ENTREP2: variants seen among roughly 807,000 people sequenced by gnomAD.
The protein encoded by ENTREP2 is endosomal transmembrane epsin interactor 2, also known as protein ENTREP2.
the ENTREP2 span, among the ~76,000 whole-genome samples, chr15:29,187,339 G>C: frequency 1.3e-5 from 2 of 151,828 alleles, no homozygotes; most frequent in East Asian, 3.9e-4. Flanking sequence ...GCAGTGGTGC[G>C]ATCTCTGCTC....
the ENTREP2 span, among the ~76,000 whole-genome samples, chr15:29,561,711 AAAAT>A: frequency 3.3e-5 from 5 of 149,900 alleles, no homozygotes; most frequent in East Asian, 2.0e-4. Context: ...TAATAATAAT[AAAAT>A]AAATAAATAA....
chr15:29,425,945 T>C, the ENTREP2 span, among the ~76,000 whole-genome samples: 53 of 151,322 alleles, frequency 3.5e-4, no homozygotes, highest in African/African-American at 1.2e-3. Flanking sequence ...GCAGTATTTA[T>C]ACCAATGCTT....
chr15:29,541,426 A>C, the ENTREP2 span, among the ~76,000 whole-genome samples: 1 of 152,194 alleles, frequency 6.6e-6, no homozygotes, highest in African/African-American at 2.4e-5. Flanking sequence ...AACAGAATTT[A>C]ATTTCAGATA....
chr15:29,250,912 A>G, the ENTREP2 span, among the ~76,000 whole-genome samples: 1 of 152,210 alleles, frequency 6.6e-6, no homozygotes, highest in African/African-American at 2.4e-5. Context: ...AATGTTCTCT[A>G]GGCCACATTC....
chr15:29,556,295 T>C, the ENTREP2 span, among the ~76,000 whole-genome samples: 1 of 152,090 alleles, frequency 6.6e-6, no homozygotes, highest in African/African-American at 2.4e-5. Flanking sequence ...ATAACTGCAA[T>C]GGGTCAAGTG....
the ENTREP2 span, among the ~76,000 whole-genome samples, chr15:29,531,977 A>C: frequency 6.6e-6 from 1 of 152,186 alleles, no homozygotes; most frequent in African/African-American, 2.4e-5. Context: ...GAAAGGCTAA[A>C]CTGAGCTAAT....
the ENTREP2 span, among the ~76,000 whole-genome samples, chr15:29,561,410 G>C: frequency 1.3e-5 from 2 of 152,160 alleles, no homozygotes; most frequent in African/African-American, 4.8e-5. Flanking sequence ...GGAATGGGCC[G>C]GGTGTGGTGG....
the ENTREP2 span, among the ~76,000 whole-genome samples, chr15:29,149,172 C>T: frequency 6.6e-6 from 1 of 152,138 alleles, no homozygotes; most frequent in East Asian, 1.9e-4. Context: ...GGCCCGGCTC[C>T]TCTAGATTTT....
chr15:29,581,218 C>A, the ENTREP2 span, among the ~76,000 whole-genome samples: 1 of 152,120 alleles, frequency 6.6e-6, no homozygotes, highest in African/African-American at 2.4e-5. Flanking sequence ...TGATTATAAT[C>A]ATCTCCTAAC....
chr15:29,122,356 G>T, the ENTREP2 span: 1 of 152,234 alleles, frequency 6.6e-6, no homozygotes, highest in African/African-American at 2.4e-5. Flanking sequence ...GGGTTTGTAA[G>T]TGGTTTATGA....
chr15:29,584,586 T>C, the ENTREP2 span, among the ~76,000 whole-genome samples: 11 of 152,108 alleles, frequency 7.2e-5, no homozygotes, highest in Non-Finnish European at 7.3e-5. Context: ...AAACAGTGTA[T>C]GATCTCACTT....
chr15:29,366,354 C>A, the ENTREP2 span, among the ~76,000 whole-genome samples: 1 of 152,140 alleles, frequency 6.6e-6, no homozygotes, highest in African/African-American at 2.4e-5. Context: ...GGATTACAGG[C>A]GTGAGCCACT....
the ENTREP2 span, among the ~76,000 whole-genome samples, chr15:29,443,418 T>G: frequency 6.6e-6 from 1 of 152,080 alleles, no homozygotes; most frequent in African/African-American, 2.4e-5. Flanking sequence ...AGGCCCTACC[T>G]TGGGGATGAG....
At chr15:29,654,814 T>C in the ENTREP2 span, among the ~76,000 whole-genome samples, 1 of 152,212 alleles carries the variant, frequency 6.6e-6, no homozygotes, top group Non-Finnish European at 1.5e-5. Flanking sequence ...GTGATATTTG[T>C]GTCCTGACTA....
chr15:29,324,231 A>G, the ENTREP2 span, among the ~76,000 whole-genome samples: 1 of 152,164 alleles, frequency 6.6e-6, no homozygotes, highest in East Asian at 1.9e-4. Flanking sequence ...CCTCCTGAGT[A>G]GCTGAGACTA....
the ENTREP2 span, among the ~76,000 whole-genome samples, chr15:29,259,097 C>T: frequency 6.6e-6 from 1 of 152,106 alleles, no homozygotes; most frequent in Non-Finnish European, 1.5e-5. Context: ...GGTTGGCATT[C>T]AAGGAAATCT....
the ENTREP2 span, among the ~76,000 whole-genome samples, chr15:29,473,991 A>G: frequency 6.6e-6 from 1 of 152,236 alleles, no homozygotes; most frequent in Admixed American, 6.5e-5. Context: ...CACTGAACCT[A>G]GCCATGGATT....
chr15:29,137,365 C>T, the ENTREP2 span, among the ~76,000 whole-genome samples: 1 of 152,178 alleles, frequency 6.6e-6, no homozygotes, highest in Non-Finnish European at 1.5e-5. Context: ...GGAGGAACGC[C>T]TCGTCTCAGA....
chr15:29,495,010 G>A, the ENTREP2 span, among the ~76,000 whole-genome samples: 1 of 152,158 alleles, frequency 6.6e-6, no homozygotes, highest in South Asian at 2.1e-4. Flanking sequence ...GTACATGGGG[G>A]TGTAGATTTA....
Sources: allele counts gnomAD v4.1 joint callset (sites outside exome capture counted in the v4.1 genomes callset), GRCh38; gene constraint gnomAD v4.1.1; transcripts MANE v1.5; gene names NCBI Gene and HGNC (gene_info 2026-07-23, HGNC 2026-07-21).